The following ZNF623 variants were observed in gnomAD, a reference collection of about 807,000 sequenced individuals.
ZNF623 encodes zinc finger protein 623.
Under a neutral mutation model 24.0 loss-of-function variants are expected in ZNF623, and 16 were observed. The ratio of observed to expected loss-of-function variants is 0.67; its 90% CI spans 0.45 to 1.01. The LOEUF is 1.01. Among genes scored for constraint, ZNF623 ranks in the 50% least tolerant of loss-of-function variants. The pLI is 0.00. For synonymous variants in ZNF623, 224 were observed against 219.8 expected, an observed-to-expected ratio of 1.02 and a Z score of -0.17; for missense variants, 566 against 606.5, an observed-to-expected ratio of 0.93 and a Z score of 0.70.
intron 1 of ZNF623, chr8:143,636,369 G>C (rs973473440): frequency 3.0e-4 from 45 of 152,440 alleles, no homozygotes; most frequent in African/African-American, 1.0e-3. Flanking sequence ...TCTCCAGCGA[G>C]CCCGCCTCGG....
rs1165878390 is a variant in ZNF623 at position 143,651,022 on chromosome 8, T to A, written c.1030T>A (p.Phe344Ile). The change falls in exon 2 of 2, where the codon TTC becomes ATC. Residue 344 changes from phenylalanine (F) to isoleucine (I), a missense_variant. By Grantham distance (21) the Phe-to-Ile change is conservative. This residue lies in a region of ZNF623 where 117 missense variants were observed against 174.2 expected (regional missense o/e 0.67). Transcript: ENST00000526926. The stretch of plus-strand genomic sequence containing the variant: ...TGAATGTAACGAGTGTGGGAAAGCT[T>A]TCTTTCTGAGTTCATACCTTATTCG... ...LYECNECGKA[F>I]FLSSYLIRHQ... The A allele has an allele frequency of 2.5e-6, 4 of 1,614,176 alleles. No individual in the cohort carries two copies. The highest frequency in any genetic ancestry group is 3.4e-6 in the Non-Finnish European group (4 of 1,180,020).
chr8:143,650,927 G>C lies in ZNF623; in HGVS notation c.935G>C (p.Cys312Ser). The stretch of plus-strand genomic sequence containing the variant: ...GAGAGGCCTTACGTATGCAATGAGT[G>C]TGGGAAGCGCTTCAGCCAGACGTCA... The part of the protein sequence containing the change: ...TGERPYVCNE[C>S]GKRFSQTSNF... The change falls in exon 2 of 2, where the codon TGT (cysteine) becomes TCT (serine). Residue 312 changes from cysteine (C) to serine (S), a missense_variant. Physicochemically the swap from Cys to Ser is moderately radical, Grantham distance 112 (BLOSUM62 -1). Around this residue, in one of 3 missense-constraint regions of ZNF623, gnomAD observed 117 missense variants for 174.2 expected, o/e 0.67. Coordinates refer to ENST00000526926, the MANE Select transcript of ZNF623 (RefSeq NM_001261843.2). This position sits in a 1 kb window ranked among gnomAD's most constrained non-coding sequence, Gnocchi z 5.2. 6.2e-7 allele frequency: 1 copy of C among 1,614,090 alleles called. No individual in the cohort carries two copies. Among genetic ancestry groups the C allele is most frequent in the East Asian group, 2.2e-5 (1 of 44,876 alleles).
chr8:143,645,128 C>CA (rs34300464), intron 1 of ZNF623, among the ~76,000 whole-genome samples: 58 of 123,740 alleles, frequency 4.7e-4, no homozygotes, highest in Admixed American at 1.1e-3. Flanking sequence ...AACTCCATCT[C>CA]AAAAAAAAAA....
At position 143,647,147 on chromosome 8, in the gene ZNF623, GTTTTT is replaced by G. The variant is rs200303336; in HGVS notation, c.-95-2741_-95-2737del. 3.8e-3 allele frequency among the ~76,000 whole-genome samples: 509 copies of G among 133,936 alleles called. 2 individuals are homozygous for G. Among genetic ancestry groups the G allele is most frequent in the Middle Eastern group, 0.014 (4 of 286 alleles). 87.9% of individuals were successfully genotyped at this position (133,936 alleles called of 152,430 possible). ...ATGCTGAGGGTGGGGGTGCCTTGCT[GTTTTT>G]TTTTTTTTTGTTTTGTTTCGTTTTT... On this transcript the variant is annotated intron_variant, in intron 1 of 1. Transcript: ENST00000526926.
intron 1 of ZNF623, among the ~76,000 whole-genome samples, chr8:143,647,126 T>C (rs1377766361): frequency 1.3e-5 from 2 of 151,186 alleles, no homozygotes; most frequent in Admixed American, 1.3e-4. Context: ...GAGGGCATGC[T>C]GAGGGTGGGG....
chr8:143,637,612 T>C (rs1362323544), intron 1 of ZNF623, among the ~76,000 whole-genome samples: 1 of 152,146 alleles, frequency 6.6e-6, no homozygotes, highest in Non-Finnish European at 1.5e-5. Flanking sequence ...TGCAGTGGCA[T>C]GATCTCGGCT....
At position 143,645,423 on chromosome 8, in the gene ZNF623, C is replaced by A. The variant is rs1173385801; in HGVS notation, c.-95-4475C>A. ...CTCCAGCCTGGGCAACAGATCGAGA[C>A]TCCATCTCAAAAAAAAAAAAAAGAC... On this transcript the variant is annotated intron_variant, in intron 1 of 1. Transcript: ENST00000526926. Among the ~76,000 whole-genome samples the A allele has an allele frequency of 9.1e-5, 9 of 99,002 alleles. No individual in the cohort carries two copies. The Admixed American group carries it at 9.6e-4, about 11-fold the overall frequency. 64.9% of individuals were successfully genotyped at this position (99,002 alleles called of 152,430 possible). A position where few individuals can be genotyped will look rare whatever the true frequency, so the allele number is the denominator to read the frequency against.
chr8:143,650,923 G>A lies in ZNF623; in HGVS notation c.931G>A (p.Glu311Lys), dbSNP rs1191633821. 2 of 1,613,848 alleles carry A rather than the reference G, an allele frequency of 1.2e-6. No individual in the cohort carries two copies. The highest frequency in any genetic ancestry group is 1.7e-6 in the Non-Finnish European group (2 of 1,180,000). Reference protein sequence around the residue: ...HTGERPYVCNECGKRFSQTSN... With the variant: ...HTGERPYVCNKCGKRFSQTSN... ...TGGGGAGAGGCCTTACGTATGCAAT[G>A]AGTGTGGGAAGCGCTTCAGCCAGAC... The change falls in exon 2 of 2, where the codon GAG (glutamate) becomes AAG (lysine). Residue 311 changes from glutamate (E) to lysine (K), a missense_variant. Glu to Lys is a moderately conservative substitution (Grantham distance 56, BLOSUM62 1). This residue lies in a region of ZNF623 where 117 missense variants were observed against 174.2 expected (regional missense o/e 0.67). Transcript: ENST00000526926. The surrounding 1 kb of genome is among the most constrained non-coding windows in gnomAD (Gnocchi z 5.2).
At chr8:143,637,348 G>A (rs1056910367) in intron 1 of ZNF623, among the ~76,000 whole-genome samples, 2 of 152,136 alleles carry the variant, frequency 1.3e-5, no homozygotes, top group Admixed American at 6.6e-5. Context: ...GGTGTATCCT[G>A]TTAATTTCTT....
At position 143,652,607 on chromosome 8, in the gene ZNF623, C is replaced by T. The variant is rs558398946; in HGVS notation, c.*1124C>T. The T allele has an allele frequency of 2.4e-5, 4 of 167,132 alleles. No individual in the cohort carries two copies. The highest frequency in any genetic ancestry group is 9.6e-5 in the African/African-American group (4 of 41,458). 10.4% of individuals were successfully genotyped at this position (167,132 alleles called of 1,614,324 possible). A position where few individuals can be genotyped will look rare whatever the true frequency, so the allele number is the denominator to read the frequency against. On this transcript the variant is annotated 3_prime_UTR_variant, in exon 2 of 2. Coordinates refer to ENST00000526926, the MANE Select transcript of ZNF623 (RefSeq NM_001261843.2). ...CCTGTGTGCCACCTTACAGCTCATG[C>T]AGAACTGTCTACTTGATCTGGAGGG...
intron 1 of ZNF623, among the ~76,000 whole-genome samples, chr8:143,637,711 G>A (rs1347872572): frequency 6.6e-6 from 1 of 152,060 alleles, no homozygotes; most frequent in African/African-American, 2.4e-5. Context: ...CACCACGTCC[G>A]GCTAATTTTT....
rs966983981 is a variant in ZNF623 at position 143,653,560 on chromosome 8, A to T, written c.*2077A>T. ...CAAAAACGTTTCTGTCACCCAAAGAAGTTCCCTTTTGCCTTTTCCTAGTTA... is the reference window on the plus strand; with the variant it reads ...CAAAAACGTTTCTGTCACCCAAAGATGTTCCCTTTTGCCTTTTCCTAGTTA... On this transcript the variant is annotated 3_prime_UTR_variant, in exon 2 of 2. Transcript: ENST00000526926. The T allele has an allele frequency of 2.4e-5, 4 of 167,116 alleles. No homozygotes were observed. Among genetic ancestry groups the T allele is most frequent in the Non-Finnish European group, 5.9e-5 (4 of 68,124 alleles). 10.4% of individuals were successfully genotyped at this position (167,116 alleles called of 1,614,324 possible). A position where few individuals can be genotyped will look rare whatever the true frequency, so the allele number is the denominator to read the frequency against.
chr8:143,647,336 G>GT (rs1331798231), intron 1 of ZNF623, among the ~76,000 whole-genome samples: 1 of 151,946 alleles, frequency 6.6e-6, no homozygotes, highest in Non-Finnish European at 1.5e-5. Context: ...AATTTTTTTT[G>GT]TATTTTTGGT....
At chr8:143,643,404 G>A (rs574464848) in intron 1 of ZNF623, among the ~76,000 whole-genome samples, 1 of 152,368 alleles carries the variant, frequency 6.6e-6, no homozygotes, top group East Asian at 1.9e-4. Flanking sequence ...CTGAGTTTGT[G>A]TAAATTGTTT....
chr8:143,645,788 T>C (rs979703561), intron 1 of ZNF623, among the ~76,000 whole-genome samples: 1 of 152,202 alleles, frequency 6.6e-6, no homozygotes, highest in Non-Finnish European at 1.5e-5. Flanking sequence ...GACCCTGTCC[T>C]ATCCGGGGCT....
intron 1 of ZNF623, among the ~76,000 whole-genome samples, chr8:143,645,257 C>G (rs148186785): frequency 0.012 from 1,792 of 152,160 alleles, 17 homozygotes; most frequent in African/African-American, 0.015. Flanking sequence ...TCCTGGCTAA[C>G]GGTGAAACCC....
intron 1 of ZNF623, among the ~76,000 whole-genome samples, chr8:143,642,774 T>C (rs1222661885): frequency 6.6e-6 from 1 of 152,162 alleles, no homozygotes; most frequent in Admixed American, 6.5e-5. Flanking sequence ...CAGCTTCTTA[T>C]ATGGGTGCGG....
intron 1 of ZNF623, among the ~76,000 whole-genome samples, chr8:143,644,939 A>C (rs1259612596): frequency 6.7e-6 from 1 of 149,956 alleles, no homozygotes; most frequent in African/African-American, 2.5e-5. Flanking sequence ...GACCAGCCTA[A>C]CCAACACGGA....
chr8:143,638,381 T>C (rs1814972782), intron 1 of ZNF623, among the ~76,000 whole-genome samples: 1 of 148,570 alleles, frequency 6.7e-6, no homozygotes, highest in Non-Finnish European at 1.5e-5. Context: ...AAAAAAATTA[T>C]GAAAATTATT....
Sources: gnomAD v4.1 joint callset for allele counts (sites outside exome capture counted in the v4.1 genomes callset) on GRCh38, gnomAD v4.1.1 for gene constraint, gnomAD v4.1.1 regional missense constraint, Gnocchi (gnomAD v3.1) non-coding constraint, MANE v1.5 for transcripts, NCBI Gene and HGNC (gene_info 2026-07-23, HGNC 2026-07-21) for gene names.